Variants in DYNC1I2 observed in about 807,000 individuals in gnomAD.
DYNC1I2 encodes the protein cytoplasmic dynein 1 intermediate chain 2.
DYNC1I2 carries 53 observed loss-of-function variants against 88.6 expected under a neutral mutation model. The observed-to-expected ratio is 0.60, with a 90% CI of 0.48 to 0.75. The LOEUF (loss-of-function observed/expected upper bound fraction) is 0.75. Among genes scored for constraint, DYNC1I2 ranks in the 30% least tolerant of loss-of-function variants. DYNC1I2 has a pLI of 0.00. For synonymous variants in DYNC1I2, 198 were observed against 254.6 expected (o/e 0.78, Z 2.12); for missense variants, 458 against 766.6 (o/e 0.60, Z 4.75).
Position 171,694,852 on chromosome 2 carries a change from G to A in DYNC1I2, c.226+1958G>A, listed in dbSNP as rs76478189. Among the ~76,000 whole-genome samples the A allele has an allele frequency of 7.0e-4, 107 of 152,210 alleles. 2 individuals carry two copies. In the East Asian group the frequency reaches 0.019, roughly 27 times the overall value. ...CACACAGTTTTAAACAAAACCGTGA[G>A]GGATCCGCCTCCATGACCCAAACAT... is the stretch of plus-strand genomic sequence containing the variant. On this transcript the variant is annotated intron_variant, in intron 3 of 17. Transcript: ENST00000397119.
intron 5 of DYNC1I2, among the ~76,000 whole-genome samples, chr2:171,710,591 T>C (rs1687044136): frequency 6.6e-6 from 1 of 152,216 alleles, no homozygotes; most frequent in Admixed American, 6.5e-5. Flanking sequence ...TCGTGAGAAA[T>C]AATCTCTCTC....
intron 15 of DYNC1I2, among the ~76,000 whole-genome samples, chr2:171,737,198 TCATC>T (rs1157726431): frequency 6.6e-6 from 1 of 152,184 alleles, no homozygotes; most frequent in Non-Finnish European, 1.5e-5. Flanking sequence ...TCTGCCTCTG[TCATC>T]AGATGGCATT....
intron 3 of DYNC1I2, among the ~76,000 whole-genome samples, chr2:171,699,364 T>C (rs1169842007): frequency 4.0e-4 from 61 of 152,202 alleles, no homozygotes; most frequent in Non-Finnish European, 1.5e-5. Context: ...TTTGTATATG[T>C]ACTAATGAAT....
intron 15 of DYNC1I2, among the ~76,000 whole-genome samples, chr2:171,734,927 TA>T (rs1370214987): frequency 2.6e-5 from 4 of 152,222 alleles, no homozygotes; most frequent in African/African-American, 9.6e-5. Context: ...AATCTCTCTT[TA>T]AACACCTTGT....
intron 16 of DYNC1I2, among the ~76,000 whole-genome samples, chr2:171,744,640 T>G (rs1559411293): frequency 6.6e-6 from 1 of 152,214 alleles, no homozygotes; most frequent in Non-Finnish European, 1.5e-5. Flanking sequence ...AAATATATTT[T>G]GATTTTTGAT....
Position 171,749,840 on chromosome 2 carries a change from A to G in DYNC1I2, c.*1951A>G, listed in dbSNP as rs1689994741. On this transcript the variant is annotated 3_prime_UTR_variant, in exon 18 of 18. Transcript: ENST00000397119. ...CCTTTAAAGTTGACTATATAATAGC[A>G]AAAGAGAAAGTATTGAGACTGTCAG... is the stretch of plus-strand genomic sequence containing the variant. Among the ~76,000 whole-genome samples, 1 of 151,904 alleles carries G rather than the reference A, an allele frequency of 6.6e-6. No individual in the cohort carries two copies. The highest frequency in any genetic ancestry group is 2.4e-5 in the African/African-American group (1 of 41,444).
At chr2:171,715,495 T>G in intron 7 of DYNC1I2, 52 bp downstream of exon 7, 1 of 1,133,264 alleles carries the variant, frequency 8.8e-7, no homozygotes. Flanking sequence ...GTTAAATACA[T>G]AGATTCTTTT....
At chr2:171,727,236 C>A (rs1688313962) in intron 11 of DYNC1I2, among the ~76,000 whole-genome samples, 1 of 152,018 alleles carries the variant, frequency 6.6e-6, no homozygotes, top group Non-Finnish European at 1.5e-5. Flanking sequence ...GGGAGTTTCC[C>A]AGGAACTTAT....
rs75836161 is a variant in DYNC1I2, at chr2:171,732,785, C to A, written c.1536+2932C>A. 0.034 allele frequency among the ~76,000 whole-genome samples: 5,176 copies of A among 152,198 alleles called. 792 individuals carry two copies. The East Asian group carries it at 0.52, about 15-fold the overall frequency. ...TAGATGTGCTTTCATCTTAGTAATC[C>A]CATGTATAGTCACAGGAGACACATT... On this transcript the variant is annotated intron_variant, in intron 15 of 17. Coordinates refer to ENST00000397119, the MANE Select transcript of DYNC1I2 (RefSeq NM_001378.3).
Position 171,742,692 on chromosome 2 carries a change from A to C in DYNC1I2, c.1537-1357A>C, listed in dbSNP as rs181977324. ...CTTTCCTAGTTCATTTTCTAGGTTA[A>C]AGCTGTCTCTTCTCTGGCTTTTGCA... On this transcript the variant is annotated intron_variant, in intron 15 of 17. Coordinates refer to ENST00000397119, the MANE Select transcript of DYNC1I2 (RefSeq NM_001378.3). Among the ~76,000 whole-genome samples, 202 of 152,294 alleles carry C rather than the reference A, an allele frequency of 1.3e-3. 1 individual carries two copies. Among genetic ancestry groups the C allele is most frequent in the African/African-American group, 4.6e-3 (193 of 41,578 alleles).
intron 14 of DYNC1I2, 44 bp from the exon 15 acceptor site, chr2:171,729,665 A>G (rs1574605548): frequency 3.1e-6 from 5 of 1,605,524 alleles, no homozygotes; most frequent in South Asian, 1.1e-5. Flanking sequence ...TAATTGGTCT[A>G]CTTATAGGAG....
intron 3 of DYNC1I2, among the ~76,000 whole-genome samples, 159 bp from the exon 4 acceptor site, chr2:171,706,388 G>C (rs1686677776): frequency 6.6e-6 from 1 of 152,166 alleles, no homozygotes; most frequent in Non-Finnish European, 1.5e-5. Context: ...GTCATAGCAT[G>C]AAATGTGCAC....
chr2:171,717,095 T>C lies in DYNC1I2; in HGVS notation c.511+1652T>C, dbSNP rs368517792. ...TTATGATACACATATAATTACACTT[T>C]CAAAATTTTGAGGAAATTGGTATAA... is the stretch of plus-strand genomic sequence containing the variant. On this transcript the variant is annotated intron_variant, in intron 7 of 17. Coordinates refer to ENST00000397119, the MANE Select transcript of DYNC1I2 (RefSeq NM_001378.3). 2.1e-4 allele frequency among the ~76,000 whole-genome samples: 32 copies of C among 152,050 alleles called. 2 individuals carry two copies. Among genetic ancestry groups the C allele is most frequent in the African/African-American group, 7.0e-4 (29 of 41,480 alleles).
In DYNC1I2 at chr2:171,726,421, G is replaced by T. The variant is rs1235859276; in HGVS notation, c.870+128G>T. The T allele has an allele frequency of 4.5e-6, 3 of 669,134 alleles. No individual in the cohort carries two copies. In the East Asian group the frequency reaches 8.4e-5, roughly 19 times the overall value. The allele number at this position is 669,134 out of a possible 1,614,324, so 41.4% of individuals were successfully genotyped here. A position where few individuals can be genotyped will look rare whatever the true frequency, so the allele number is the denominator to read the frequency against. ...TGTTATTTAAAATTAATGGATGATG[G>T]TTCTAATGTTAACATACTCATCTTA... On this transcript the variant is annotated intron_variant, in intron 10 of 17. Transcript: ENST00000397119.
chr2:171,700,351 C>T (rs1686153119), intron 3 of DYNC1I2, among the ~76,000 whole-genome samples: 1 of 152,204 alleles, frequency 6.6e-6, no homozygotes, highest in Non-Finnish European at 1.5e-5. Context: ...CAAAGCATCA[C>T]CTCTGCCACA....
At position 171,717,829 on chromosome 2, in the gene DYNC1I2, T is replaced by C. The variant is rs529533957; in HGVS notation, c.511+2386T>C. Among the ~76,000 whole-genome samples, 20 of 152,316 alleles carry C rather than the reference T, an allele frequency of 1.3e-4. No homozygotes were observed. The South Asian group carries it at 4.1e-3, about 32-fold the overall frequency. On this transcript the variant is annotated intron_variant, in intron 7 of 17. Transcript: ENST00000397119. Reference sequence around the variant, plus strand: ...TCTTCATCTGATAATTTGGAGATTGTATTTTTAGTTACACTACCATACTTA... The same window carrying C: ...TCTTCATCTGATAATTTGGAGATTGCATTTTTAGTTACACTACCATACTTA...
At chr2:171,692,922 A>G in intron 3 of DYNC1I2, 28 bp downstream of exon 3, 1 of 1,470,060 alleles carries the variant, frequency 6.8e-7, no homozygotes, top group Non-Finnish European at 9.4e-7. Context: ...TCCATTTATA[A>G]GAGATAGGCA....
chr2:171,730,884 G>A (rs1181201814), intron 15 of DYNC1I2, among the ~76,000 whole-genome samples: 1 of 151,984 alleles, frequency 6.6e-6, no homozygotes, highest in Non-Finnish European at 1.5e-5. Flanking sequence ...TAGAAGTCTG[G>A]GATGAACTCA....
At chr2:171,723,659 G>A (rs1688045318) in intron 7 of DYNC1I2, among the ~76,000 whole-genome samples, 1 of 151,940 alleles carries the variant, frequency 6.6e-6, no homozygotes, top group South Asian at 2.1e-4. Context: ...TGATTATTTT[G>A]CCCCAAAAAG....
Sources: gnomAD v4.1 joint callset for allele counts (sites outside exome capture counted in the v4.1 genomes callset) on GRCh38, gnomAD v4.1.1 for gene constraint, MANE v1.5 for transcripts, NCBI Gene and HGNC (gene_info 2026-07-23, HGNC 2026-07-21) for gene names.